Variants in PCDH15 observed in about 807,000 individuals in gnomAD.
PCDH15 encodes the protein protocadherin related 15.
Under a neutral mutation model 178.5 loss-of-function variants are expected in PCDH15, and 129 were observed. That is an observed-to-expected ratio of 0.72 (90% CI 0.63 to 0.84). PCDH15 has a LOEUF of 0.84. Among genes scored for constraint, PCDH15 ranks in the 40% least tolerant of loss-of-function variants. The pLI is 0.00. For missense variants in PCDH15, 2,230 were observed against 2,099.9 expected, an observed-to-expected ratio of 1.06 and a Z score of -1.21; for synonymous variants, 800 against 732.0, an observed-to-expected ratio of 1.09 and a Z score of -1.50.
chr10:54,244,535 T>G (rs1325514141), intron 8 of PCDH15, among the ~76,000 whole-genome samples: 1 of 152,210 alleles, frequency 6.6e-6, no homozygotes, highest in Non-Finnish European at 1.5e-5. Flanking sequence ...GTCTGAAGCA[T>G]TACTGCAATC....
chr10:54,553,586 G>C (rs1240254738), intron 2 of PCDH15, among the ~76,000 whole-genome samples: 1 of 152,128 alleles, frequency 6.6e-6, no homozygotes, highest in Non-Finnish European at 1.5e-5. Context: ...CATGGATCCT[G>C]ATAAGTTGAT....
chr10:55,002,693 G>A (rs777448439), intron 2 of PCDH15, among the ~76,000 whole-genome samples: 4 of 69,636 alleles, frequency 5.7e-5, no homozygotes, highest in Non-Finnish European at 9.5e-5. Flanking sequence ...GAGACTCAGG[G>A]CCAGAAACTA....
chr10:54,208,009 C>A (rs1367374135), intron 10 of PCDH15, among the ~76,000 whole-genome samples: 1 of 151,948 alleles, frequency 6.6e-6, no homozygotes, highest in East Asian at 1.9e-4. Flanking sequence ...TTGATAACAT[C>A]CCCTTTTGTT....
chr10:55,022,701 T>C (rs1013041272), intron 2 of PCDH15, among the ~76,000 whole-genome samples: 3 of 138,556 alleles, frequency 2.2e-5, no homozygotes, highest in African/African-American at 7.9e-5. Context: ...AAAATATGAA[T>C]TTTCTTTTTC....
chr10:53,866,895 C>T, intron 26 of PCDH15, 38 bp from the exon 27 acceptor site: 1 of 1,419,860 alleles, frequency 7.0e-7, no homozygotes, highest in Non-Finnish European at 9.9e-7. Flanking sequence ...TATAATTAAG[C>T]AGGAAAAGAT....
intron 2 of PCDH15, among the ~76,000 whole-genome samples, chr10:55,011,404 ATATACT>A (rs940436630): frequency 1.3e-5 from 2 of 152,130 alleles, no homozygotes; most frequent in Non-Finnish European, 2.9e-5. Flanking sequence ...ATAATGTCAA[ATATACT>A]TAGACGTGGA....
chr10:54,260,414 T>A (rs1489083767), intron 8 of PCDH15, among the ~76,000 whole-genome samples: 1 of 151,402 alleles, frequency 6.6e-6, no homozygotes, highest in Non-Finnish European at 1.5e-5. Context: ...TTATAGAAAC[T>A]TTTTAATGCT....
intron 23 of PCDH15, among the ~76,000 whole-genome samples, chr10:53,955,272 G>A (rs920481049): frequency 1.3e-5 from 2 of 152,128 alleles, no homozygotes; most frequent in Non-Finnish European, 2.9e-5. Flanking sequence ...GGTGACCCCT[G>A]AGTTGTCCCA....
At chr10:55,257,090 C>A (rs1219764078) in intron 1 of PCDH15, among the ~76,000 whole-genome samples, 1 of 152,148 alleles carries the variant, frequency 6.6e-6, no homozygotes, top group South Asian at 2.1e-4. Flanking sequence ...CTGCAGCCTC[C>A]GCTGCTGAAT....
At chr10:55,361,903 G>T (rs1845238511) in intron 2 of PCDH15, among the ~76,000 whole-genome samples, 1 of 152,054 alleles carries the variant, frequency 6.6e-6, no homozygotes, top group Non-Finnish European at 1.5e-5. Context: ...ACTTTGAAGT[G>T]AAGGGGGGCT....
At chr10:53,977,874 G>C (rs904782033) in intron 21 of PCDH15, among the ~76,000 whole-genome samples, 2 of 152,114 alleles carry the variant, frequency 1.3e-5, no homozygotes, top group Non-Finnish European at 2.9e-5. Context: ...AAATCCAGGG[G>C]GGAAGTTAAA....
intron 2 of PCDH15, among the ~76,000 whole-genome samples, chr10:55,454,332 T>C (rs1317811941): frequency 6.6e-6 from 1 of 152,072 alleles, no homozygotes; most frequent in East Asian, 1.9e-4. Context: ...AGCCCTTAAA[T>C]ACAAAGTAAG....
At chr10:54,487,254 T>C (rs1486299288) in intron 3 of PCDH15, among the ~76,000 whole-genome samples, 2 of 151,914 alleles carry the variant, frequency 1.3e-5, no homozygotes, top group East Asian at 3.9e-4. Flanking sequence ...GAAAGACAAA[T>C]ATCACATGTT....
chr10:53,841,137 TAATC>T (rs1464415435), intron 28 of PCDH15, among the ~76,000 whole-genome samples: 6 of 152,212 alleles, frequency 3.9e-5, no homozygotes, highest in African/African-American at 1.4e-4. Flanking sequence ...GAGACAATAT[TAATC>T]AATAAGTAAT....
chr10:54,910,277 C>G (rs915771653), intron 2 of PCDH15, among the ~76,000 whole-genome samples: 1 of 152,184 alleles, frequency 6.6e-6, no homozygotes, highest in Non-Finnish European at 1.5e-5. Context: ...AAGGTACAAT[C>G]TCCCCTGCAC....
At chr10:54,106,521 G>A (rs1376412657) in intron 15 of PCDH15, among the ~76,000 whole-genome samples, 1 of 152,204 alleles carries the variant, frequency 6.6e-6, no homozygotes, top group African/African-American at 2.4e-5. Context: ...ATAGGAGTGA[G>A]TCTGGTCTTT....
chr10:55,505,681 G>A (rs1049905034), intron 2 of PCDH15, among the ~76,000 whole-genome samples: 29 of 151,354 alleles, frequency 1.9e-4, no homozygotes, highest in Non-Finnish European at 4.4e-5. Context: ...CATGTATCAG[G>A]CAATGTTGTA....
chr10:54,022,871 T>C (rs923845480), intron 19 of PCDH15, 21 bp downstream of exon 19: 1 of 1,612,856 alleles, frequency 6.2e-7, no homozygotes, highest in Non-Finnish European at 8.5e-7. Flanking sequence ...ATTCATGTAA[T>C]AAATGCTTTT....
chr10:55,344,704 T>C (rs539098349), intron 2 of PCDH15, among the ~76,000 whole-genome samples: 3 of 152,108 alleles, frequency 2.0e-5, no homozygotes, highest in South Asian at 2.1e-4. Flanking sequence ...CAACCAGAGA[T>C]GGCTAATAGG....
Sources: allele counts gnomAD v4.1 joint callset (sites outside exome capture counted in the v4.1 genomes callset), GRCh38; gene constraint gnomAD v4.1.1; transcripts MANE v1.5; gene names NCBI Gene and HGNC (gene_info 2026-07-23, HGNC 2026-07-21).